The following LSAMP variants were observed in gnomAD, a reference collection of about 807,000 sequenced individuals.
LSAMP encodes the protein limbic system associated membrane protein.
Under a neutral mutation model 38.6 loss-of-function variants are expected in LSAMP, and 7 were observed. That is an observed-to-expected ratio of 0.18 (90% CI 0.10 to 0.34). The LOEUF (loss-of-function observed/expected upper bound fraction) is 0.34, where lower values mean the gene tolerates loss of function less well. Among genes scored for constraint, LSAMP ranks in the 10% least tolerant of loss-of-function variants. The pLI is 1.00. For synonymous variants in LSAMP, 154 were observed against 166.8 expected (o/e 0.92, Z 0.59); for missense variants, 313 against 420.0 (o/e 0.75, Z 2.23).
At chr3:115,976,215 A>G (rs1939184525) in intron 3 of LSAMP, among the ~76,000 whole-genome samples, 2 of 152,312 alleles carry the variant, frequency 1.3e-5, no homozygotes, top group South Asian at 4.1e-4. Flanking sequence ...TACTTAACTA[A>G]GTGCAAACTT....
chr3:115,862,378 C>G (rs1411960718), intron 3 of LSAMP, among the ~76,000 whole-genome samples: 28 of 152,170 alleles, frequency 1.8e-4, no homozygotes, highest in Non-Finnish European at 1.3e-4. Context: ...GCCACAGAAG[C>G]CTTTGAAATG....
intron 1 of LSAMP, among the ~76,000 whole-genome samples, chr3:116,141,702 C>T (rs1165165709): frequency 6.6e-6 from 1 of 151,904 alleles, no homozygotes; most frequent in East Asian, 1.9e-4. Context: ...AGAAATCACA[C>T]TATTTTTCAA....
At chr3:116,243,164 G>A (rs750245050) in intron 1 of LSAMP, among the ~76,000 whole-genome samples, 5 of 152,130 alleles carry the variant, frequency 3.3e-5, no homozygotes, top group Non-Finnish European at 5.9e-5. Context: ...CGTCTGTCCT[G>A]GGGATCTGGG....
intron 1 of LSAMP, among the ~76,000 whole-genome samples, chr3:116,264,281 G>T (rs1233690891): frequency 6.6e-6 from 1 of 152,152 alleles, no homozygotes; most frequent in African/African-American, 2.4e-5. Flanking sequence ...TCTTCTTCCA[G>T]ATTACATTCT....
chr3:116,022,234 CTTCTT>C (rs1045042551), intron 2 of LSAMP, among the ~76,000 whole-genome samples: 1 of 118,422 alleles, frequency 8.4e-6, no homozygotes, highest in Non-Finnish European at 1.7e-5. Flanking sequence ...CTCTTATTAA[CTTCTT>C]TTTTTTTTTT....
chr3:116,428,789 G>C (rs1348377369), intron 1 of LSAMP, among the ~76,000 whole-genome samples: 1 of 152,090 alleles, frequency 6.6e-6, no homozygotes, highest in Non-Finnish European at 1.5e-5. Context: ...ATAATTCTTA[G>C]GATCCCTTGC....
chr3:116,126,094 A>T (rs1709002434), intron 1 of LSAMP, among the ~76,000 whole-genome samples: 2 of 152,228 alleles, frequency 1.3e-5, no homozygotes, highest in Non-Finnish European at 2.9e-5. Context: ...ATAGTTTTGG[A>T]CTTTAAATAT....
chr3:116,350,588 C>A (rs1247817539), intron 1 of LSAMP, among the ~76,000 whole-genome samples: 2 of 151,390 alleles, frequency 1.3e-5, no homozygotes, highest in Non-Finnish European at 2.9e-5. Flanking sequence ...GTTATCAGAT[C>A]AACTAACATG....
chr3:116,342,814 T>C (rs58306572), intron 1 of LSAMP, among the ~76,000 whole-genome samples: 3,988 of 152,220 alleles, frequency 0.026, 168 homozygotes, highest in African/African-American at 0.087. Flanking sequence ...ATATGCTCTA[T>C]TGGAAGCATA....
intron 2 of LSAMP, among the ~76,000 whole-genome samples, chr3:116,074,211 T>G (rs1322941233): frequency 1.3e-5 from 2 of 152,178 alleles, no homozygotes; most frequent in Non-Finnish European, 2.9e-5. Flanking sequence ...GAAGCCTCAG[T>G]TTTGAGGATG....
At chr3:116,336,931 C>G (rs547226228) in intron 1 of LSAMP, among the ~76,000 whole-genome samples, 1 of 151,516 alleles carries the variant, frequency 6.6e-6, no homozygotes, top group South Asian at 2.1e-4. Flanking sequence ...CTAATATATA[C>G]ACTATATTTG....
At chr3:116,160,250 G>T (rs1709852159) in intron 1 of LSAMP, among the ~76,000 whole-genome samples, 1 of 151,982 alleles carries the variant, frequency 6.6e-6, no homozygotes, top group African/African-American at 2.4e-5. Flanking sequence ...AAATACAAAA[G>T]TAGCCAGGTG....
intron 3 of LSAMP, among the ~76,000 whole-genome samples, chr3:115,905,015 T>G (rs1936974300): frequency 6.6e-6 from 1 of 152,068 alleles, no homozygotes; most frequent in Admixed American, 6.6e-5. Context: ...CTTGAAGAAT[T>G]TGTGAGTCTT....
intron 3 of LSAMP, among the ~76,000 whole-genome samples, chr3:115,918,567 C>T (rs1937306674): frequency 6.6e-6 from 1 of 152,154 alleles, no homozygotes; most frequent in African/African-American, 2.4e-5. Flanking sequence ...GAACCAGCCC[C>T]ACAGTCAGCC....
At chr3:116,140,916 A>C (rs867818449) in intron 1 of LSAMP, among the ~76,000 whole-genome samples, 2 of 152,092 alleles carry the variant, frequency 1.3e-5, no homozygotes, top group Middle Eastern at 3.4e-3. Context: ...AGGGAGAAGG[A>C]TAAAAGATCA....
chr3:116,255,542 G>A lies in LSAMP; in HGVS notation c.156-168986C>T, dbSNP rs199907543. 1.6e-4 allele frequency among the ~76,000 whole-genome samples: 25 copies of A among 152,258 alleles called. 1 individual carries two copies. The East Asian group carries it at 4.2e-3, about 26-fold the overall frequency. On this transcript the variant is annotated intron_variant, in intron 1 of 6. Transcript: ENST00000490035. ...AAAAATTGCACATGGTCTTCTGACCGCTGGAGCATTTAACTTTAGCTGGAG... is the reference window on the plus strand; with the variant it reads ...AAAAATTGCACATGGTCTTCTGACCACTGGAGCATTTAACTTTAGCTGGAG...
chr3:116,429,699 C>T (rs780429721), intron 1 of LSAMP, among the ~76,000 whole-genome samples: 4 of 151,950 alleles, frequency 2.6e-5, no homozygotes, highest in African/African-American at 7.3e-5. Flanking sequence ...GGCTGAGTTC[C>T]GGCAGGGTTC....
chr3:115,911,953 A>C (rs1190613648), intron 3 of LSAMP, among the ~76,000 whole-genome samples: 1 of 152,148 alleles, frequency 6.6e-6, no homozygotes, highest in Admixed American at 6.5e-5. Context: ...AACATCTTTT[A>C]CTTAACATCT....
chr3:115,917,661 A>G (rs1029598764), intron 3 of LSAMP, among the ~76,000 whole-genome samples: 8 of 150,574 alleles, frequency 5.3e-5, no homozygotes, highest in African/African-American at 2.0e-4. Context: ...TTTCAAGTTC[A>G]TAACTACTAA....
Sources: allele counts gnomAD v4.1 joint callset (sites outside exome capture counted in the v4.1 genomes callset), GRCh38; gene constraint gnomAD v4.1.1; transcripts MANE v1.5; gene names NCBI Gene and HGNC (gene_info 2026-07-23, HGNC 2026-07-21).